JSRP1: variants seen among roughly 807,000 people sequenced by gnomAD.
The protein encoded by JSRP1 is 2310032K21Rik.
JSRP1 carries 29 observed loss-of-function variants against 21.4 expected under a neutral mutation model. The ratio of observed to expected loss-of-function variants is 1.36; its 90% CI spans 1.01 to 1.85. The LOEUF (loss-of-function observed/expected upper bound fraction) is 1.85. Among genes scored for constraint, JSRP1 ranks in the 40% most tolerant of loss-of-function variants. The probability of loss-of-function intolerance (pLI) is 0.00; values close to 1 mark genes in which losing one functional copy is unlikely to be tolerated. For missense variants in JSRP1, 531 were observed against 461.5 expected (o/e 1.15, Z -1.38); for synonymous variants, 221 against 206.1 (o/e 1.07, Z -0.62).
At chr19:2,255,131 G>A in intron 2 of JSRP1, 75 bp downstream of exon 2, 1 of 962,810 alleles carries the variant, frequency 1.0e-6, no homozygotes, top group Non-Finnish European at 1.6e-6. Flanking sequence ...AGAAGCTCTA[G>A]TCTCTGAAGA....
chr19:2,253,851 C>A, intron 4 of JSRP1, 58 bp from the exon 5 acceptor site: 1 of 1,334,820 alleles, frequency 7.5e-7, no homozygotes, highest in South Asian at 1.9e-5. Flanking sequence ...CCCCCTTCCC[C>A]GGGCGCAGGG....
At chr19:2,255,152 G>T in intron 2 of JSRP1, 54 bp downstream of exon 2, 1 of 1,271,398 alleles carries the variant, frequency 7.9e-7, no homozygotes, top group Non-Finnish European at 1.1e-6. Context: ...TGGGCCTCCT[G>T]GCTCAAGGGG....
chr19:2,255,353 G>C lies in JSRP1; in HGVS notation c.-30-9C>G, dbSNP rs756335491. 1.1e-5 allele frequency: 15 copies of C among 1,398,062 alleles called. No homozygotes were observed. Among genetic ancestry groups the C allele is most frequent in the African/African-American group, 2.9e-5 (2 of 69,482 alleles). 86.6% of individuals were successfully genotyped at this position (1,398,062 alleles called of 1,614,324 possible). ...GCAGGTCCCAGGCCAGGCTGGGAGG[G>C]GTGGGGAACAAGGTCTTGCATTTAC... is the stretch of plus-strand genomic sequence containing the variant. On this transcript the variant is annotated splice_polypyrimidine_tract_variant and intron_variant, in intron 1 of 6. Coordinates refer to ENST00000300961, the MANE Select transcript of JSRP1 (RefSeq NM_144616.4).
At chr19:2,255,066 G>A (rs1030300174) in intron 2 of JSRP1, 140 bp downstream of exon 2, 68 of 516,426 alleles carry the variant, frequency 1.3e-4, no homozygotes, top group Non-Finnish European at 1.9e-4. Flanking sequence ...CAGAAATGAG[G>A]GCCAGGGGTT....
rs1475789020 is a variant in JSRP1 at position 2,252,736 on chromosome 19, C to T, written c.589G>A (p.Val197Ile). 1.2e-6 allele frequency: 2 copies of T among 1,612,522 alleles called. No homozygotes were observed. The highest frequency in any genetic ancestry group is 1.1e-5 in the South Asian group (1 of 91,086). ...CGACTCCCGGGAATCTTGGGTCTGA[C>T]CTCTGCCTCGGCCCGGGGCGCAGGC... The part of the protein sequence containing the change: ...APPAPRAEAE[V>I]RPKIPGSREA... The change falls in exon 7 of 7, where the codon GTC becomes ATC. Residue 197 changes from valine to isoleucine, a missense_variant. Physicochemically the swap from Val to Ile is conservative, Grantham distance 29 (BLOSUM62 3). Coordinates refer to ENST00000300961, the MANE Select transcript of JSRP1 (RefSeq NM_144616.4).
At position 2,253,084 on chromosome 19, in the gene JSRP1, C is replaced by T. The variant is rs551363095; in HGVS notation, c.437-81G>A. ...TCCATCCCTCCCTCACCCCTAGAGC[C>T]CCCCTCCCTGGACAGTTGGAGTGGG... On this transcript the variant is annotated intron_variant, in intron 5 of 6. Coordinates refer to ENST00000300961, the MANE Select transcript of JSRP1 (RefSeq NM_144616.4). 178 of 1,005,656 alleles carry T rather than the reference C, an allele frequency of 1.8e-4. No individual in the cohort carries two copies. In the African/African-American group the frequency reaches 2.1e-3, roughly 12 times the overall value. 62.3% of individuals were successfully genotyped at this position (1,005,656 alleles called of 1,614,324 possible). A position where few individuals can be genotyped will look rare whatever the true frequency, so the allele number is the denominator to read the frequency against.
chr19:2,254,251 C>T lies in JSRP1; in HGVS notation c.198G>A (p.Met66Ile), dbSNP rs189529380. 1.4e-4 allele frequency: 221 copies of T among 1,604,714 alleles called. No individual in the cohort carries two copies. In the East Asian group the frequency reaches 4.3e-3, roughly 31 times the overall value. The change falls in exon 4 of 7, where the codon ATG (methionine) becomes ATA (isoleucine). Residue 66 changes from methionine to isoleucine, a missense_variant. Met to Ile is a conservative substitution (Grantham distance 10, BLOSUM62 1). Transcript: ENST00000300961. ...GPSVDTRPKK[M>I]EKEPAARGTP... The stretch of plus-strand genomic sequence containing the variant: ...TCCCCCTGGCGGCAGGCTCTTTTTC[C>T]ATCTTCTTGGGCCTGGTGTCCACAC...
In JSRP1 at chr19:2,252,385, C is replaced by T. The variant is rs1183031408; in HGVS notation, c.940G>A (p.Glu314Lys). 2.5e-6 allele frequency: 4 copies of T among 1,589,664 alleles called. No homozygotes were observed. The highest frequency in any genetic ancestry group is 4.6e-5 in the East Asian group (2 of 43,922). The change falls in exon 7 of 7, where the codon GAG (glutamate) becomes AAG (lysine). Residue 314 changes from glutamate to lysine, a missense_variant. Coordinates refer to ENST00000300961, the MANE Select transcript of JSRP1 (RefSeq NM_144616.4). ...TGGCGACTCCCAGGCCGCTGCTCCT[C>T]GTCGGGACGCCTCGGGGACACCCAG... ...QAWVSPRRPD[E>K]EQRPGSRQKL...
intron 2 of JSRP1, among the ~76,000 whole-genome samples, chr19:2,254,857 A>G (rs1193207396): frequency 6.6e-6 from 1 of 152,104 alleles, no homozygotes; most frequent in East Asian, 1.9e-4. Flanking sequence ...ATGTCACTGT[A>G]CTCCAGCATG....
intron 1 of JSRP1, among the ~76,000 whole-genome samples, chr19:2,255,770 C>A (rs893434937): frequency 1.4e-4 from 22 of 152,212 alleles, no homozygotes; most frequent in African/African-American, 5.3e-4. Context: ...GGTGCCCCAG[C>A]CCCTCCCAGG....
rs747214485 is a variant in JSRP1, at chr19:2,253,726, G to GGGC, written c.327_329dup (p.Pro111dup). ...AGGGCAGCTCCTCGCTCAGGGCCGG[G>GGGC]GGCGGCGGCGGCGGCTGCAGGGGCG... On this transcript the variant is annotated inframe_insertion, in exon 5 of 7. Coordinates refer to ENST00000300961, the MANE Select transcript of JSRP1 (RefSeq NM_144616.4). The GGGC allele has an allele frequency of 4.0e-5, 60 of 1,490,116 alleles. 1 individual carries two copies. Among genetic ancestry groups the GGGC allele is most frequent in the Admixed American group, 3.4e-4 (15 of 44,390 alleles). The allele number at this position is 1,490,116 out of a possible 1,614,324, so 92.3% of individuals were successfully genotyped here.
At position 2,252,284 on chromosome 19, in the gene JSRP1, G is replaced by T. The variant is rs1464475931; in HGVS notation, c.*45C>A. 3.6e-6 allele frequency: 5 copies of T among 1,399,382 alleles called. No homozygotes were observed. In the Admixed American group the frequency reaches 8.6e-5, roughly 24 times the overall value. The allele number at this position is 1,399,382 out of a possible 1,614,324, so 86.7% of individuals were successfully genotyped here. A position where few individuals can be genotyped will look rare whatever the true frequency, so the allele number is the denominator to read the frequency against. On this transcript the variant is annotated 3_prime_UTR_variant, in exon 7 of 7. Transcript: ENST00000300961. Reference sequence around the variant, plus strand: ...GCACTCGCTTTATTTCGCCAGAGTCGCGGGGCGTCCAGAAGGGGCCCCTGG... The same window carrying T: ...GCACTCGCTTTATTTCGCCAGAGTCTCGGGGCGTCCAGAAGGGGCCCCTGG...
rs2025145218 is a variant in JSRP1, at chr19:2,256,225, C to A, written c.-31+158G>T. 2.6e-5 allele frequency among the ~76,000 whole-genome samples: 4 copies of A among 152,304 alleles called. No individual in the cohort carries two copies. The South Asian group carries it at 8.3e-4, about 32-fold the overall frequency. On this transcript the variant is annotated intron_variant, in intron 1 of 6. Coordinates refer to ENST00000300961, the MANE Select transcript of JSRP1 (RefSeq NM_144616.4). ...GGCAGTGGGGGAGGGGCCCAAGAAG[C>A]ATGGGAGGCTGGTGTGTGGCCCCTG...
intron 5 of JSRP1, 118 bp from the exon 6 acceptor site, chr19:2,253,121 A>G: frequency 1.4e-6 from 1 of 703,512 alleles, no homozygotes; most frequent in Non-Finnish European, 2.4e-6. Flanking sequence ...CTCCCCCGGT[A>G]CGGCTGAGAC....
intron 5 of JSRP1, among the ~76,000 whole-genome samples, chr19:2,253,368 G>A (rs1308618533): frequency 6.6e-6 from 1 of 152,226 alleles, no homozygotes. Flanking sequence ...GGTTGCACAA[G>A]GTTCATCCGG....
rs549528368 is a variant in JSRP1, at chr19:2,252,434, G to A, written c.891C>T (p.Asp297=). The A allele has an allele frequency of 1.9e-5, 30 of 1,610,164 alleles. No individual in the cohort carries two copies. Among genetic ancestry groups the A allele is most frequent in the Non-Finnish European group, 2.3e-5 (27 of 1,179,426 alleles). ...AGGCCTGCTTCTTCCTGGGCTCGGCGTCCCTGGAGTCCCGTGCCCACGGCC... is the reference window on the plus strand; with the variant it reads ...AGGCCTGCTTCTTCCTGGGCTCGGCATCCCTGGAGTCCCGTGCCCACGGCC... ...GHRPWARDSR[D]AEPRKKQAWV... The change falls in exon 7 of 7, where the codon GAC becomes GAT. Residue 297 remains aspartate, a synonymous_variant. Transcript: ENST00000300961.
Position 2,252,962 on chromosome 19 carries a change from C to G in JSRP1, c.478G>C (p.Glu160Gln). The G allele has an allele frequency of 3.1e-6, 5 of 1,609,386 alleles. No individual in the cohort carries two copies. The highest frequency in any genetic ancestry group is 2.2e-5 in the South Asian group (2 of 90,506). Residue 160 changes from glutamate (E) to glutamine (Q), a missense_variant, in exon 6 of 7, where the codon GAG (glutamate) becomes CAG (glutamine). Physicochemically the swap from Glu to Gln is conservative, Grantham distance 29. Transcript: ENST00000300961. ...GCTGAGCTTGGCGGGACCCAGGGCT[C>G]GGGCACACGTGCTTGGAGTGCTGCC... ...GEAALQARVP[E>Q]PWVPPSSAPR... is the part of the protein sequence containing the mutation.
chr19:2,252,569 C>T lies in JSRP1; in HGVS notation c.756G>A (p.Lys252=), dbSNP rs2025073140. The T allele has an allele frequency of 2.5e-6, 4 of 1,612,490 alleles. No homozygotes were observed. The highest frequency in any genetic ancestry group is 1.7e-5 in the Admixed American group (1 of 59,996). Residue 252 remains lysine, a synonymous_variant, in exon 7 of 7, where the codon AAG becomes AAA. Transcript: ENST00000300961. ...GCCTCTCTTTCTTAGGTCTCTCCTC[C>T]TTCCGCGGCTTCTCCTTCCGCGGCT... ...EGKPRKEKPR[K]EERPKKERPR...
At chr19:2,253,074 C>G in intron 5 of JSRP1, 71 bp from the exon 6 acceptor site, 1 of 1,032,234 alleles carries the variant, frequency 9.7e-7, no homozygotes, top group Non-Finnish European at 1.5e-6. Flanking sequence ...CCCTCCCTCA[C>G]CCCTAGAGCC....
Sources: allele counts gnomAD v4.1 joint callset (sites outside exome capture counted in the v4.1 genomes callset), GRCh38; gene constraint gnomAD v4.1.1; transcripts MANE v1.5; gene names NCBI Gene and HGNC (gene_info 2026-07-23, HGNC 2026-07-21).